The following ARHGEF28 variants were observed in gnomAD, a reference collection of about 807,000 sequenced individuals.
The protein encoded by ARHGEF28 is Rho guanine nucleotide exchange factor 28, also known as 190 kDa guanine nucleotide exchange factor.
ARHGEF28 carries 152 observed loss-of-function variants against 206.6 expected under a neutral mutation model. That is an observed-to-expected ratio of 0.74 (90% CI 0.64 to 0.84). The LOEUF (loss-of-function observed/expected upper bound fraction) is 0.84, where lower values mean the gene tolerates loss of function less well. ARHGEF28 is among the 40% of genes least tolerant of loss of function. The pLI, the probability that ARHGEF28 is intolerant of heterozygous loss-of-function variation, is 0.00. For missense variants in ARHGEF28, 2,028 were observed against 2,073.2 expected, an observed-to-expected ratio of 0.98 and a Z score of 0.42; for synonymous variants, 763 against 776.4, an observed-to-expected ratio of 0.98 and a Z score of 0.29.
chr5:73,712,468 T>A (rs1749308791), intron 2 of ARHGEF28, among the ~76,000 whole-genome samples: 1 of 152,196 alleles, frequency 6.6e-6, no homozygotes, highest in Admixed American at 6.5e-5. Context: ...GTAGAGTGCA[T>A]GCTTTCTTCT....
At chr5:73,848,928 T>C in intron 12 of ARHGEF28, 48 bp from the exon 13 acceptor site, 3 of 1,339,354 alleles carry the variant, frequency 2.2e-6, no homozygotes, top group Non-Finnish European at 3.1e-6. Flanking sequence ...AATATATATT[T>C]TCAGACCATG....
chr5:73,714,789 C>T (rs571359838), intron 2 of ARHGEF28, among the ~76,000 whole-genome samples: 4 of 152,290 alleles, frequency 2.6e-5, no homozygotes, highest in Middle Eastern at 3.4e-3. Context: ...AGCACCCCAA[C>T]GGTCCCTTGT....
intron 4 of ARHGEF28, among the ~76,000 whole-genome samples, chr5:73,762,312 C>A (rs1398763063): frequency 1.3e-5 from 2 of 151,584 alleles, no homozygotes; most frequent in Non-Finnish European, 2.9e-5. Flanking sequence ...AAAAATTAGC[C>A]AGGCGTGGTG....
intron 1 of ARHGEF28, among the ~76,000 whole-genome samples, chr5:73,652,559 T>C (rs1230715836): frequency 6.6e-6 from 1 of 152,126 alleles, no homozygotes; most frequent in African/African-American, 2.4e-5. Flanking sequence ...AGCCAAACAG[T>C]TGAGAAGCAT....
intron 35 of ARHGEF28, among the ~76,000 whole-genome samples, chr5:73,917,090 C>A (rs1484392617): frequency 6.6e-6 from 1 of 152,140 alleles, no homozygotes; most frequent in Non-Finnish European, 1.5e-5. Flanking sequence ...AGTTTTATTT[C>A]CATGCCTAGG....
chr5:73,655,514 G>A (rs1425369803), intron 1 of ARHGEF28, among the ~76,000 whole-genome samples: 1 of 152,194 alleles, frequency 6.6e-6, no homozygotes, highest in Non-Finnish European at 1.5e-5. Flanking sequence ...TAAGAAGAGG[G>A]TTAAAATTGC....
At position 73,909,405 on chromosome 5, in the gene ARHGEF28, C is replaced by CT; in HGVS notation, c.4162-6dup. The CT allele has an allele frequency of 6.3e-7, 1 of 1,589,406 alleles. No individual in the cohort carries two copies. The highest frequency in any genetic ancestry group is 8.6e-7 in the Non-Finnish European group (1 of 1,163,468). On this transcript the variant is annotated splice_polypyrimidine_tract_variant and splice_region_variant and intron_variant, in intron 33 of 35. Transcript: ENST00000513042. ...TTCAGTGATTTTTCCTCTGTCTGCT[C>CT]TGACAGGCCGCCTTGACCATTCAGG...
chr5:73,657,121 C>T (rs773236268), intron 1 of ARHGEF28, among the ~76,000 whole-genome samples: 1 of 146,340 alleles, frequency 6.8e-6, no homozygotes, highest in African/African-American at 2.5e-5. Context: ...TGCAGTGAGC[C>T]GAGATTGCGC....
intron 1 of ARHGEF28, among the ~76,000 whole-genome samples, chr5:73,661,211 G>A (rs1412742730): frequency 6.6e-6 from 1 of 152,194 alleles, no homozygotes; most frequent in Non-Finnish European, 1.5e-5. Context: ...ATGTTCTGGA[G>A]ATGGCTTCTT....
At chr5:73,859,817 C>T (rs754944857) in intron 16 of ARHGEF28, among the ~76,000 whole-genome samples, 1 of 152,090 alleles carries the variant, frequency 6.6e-6, no homozygotes, top group African/African-American at 2.4e-5. Context: ...CGATGCATCC[C>T]TGGCCACACC....
At chr5:73,857,569 A>G in intron 14 of ARHGEF28, 87 bp from the exon 15 acceptor site, 1 of 874,544 alleles carries the variant, frequency 1.1e-6, no homozygotes, top group Non-Finnish European at 1.6e-6. Context: ...ATGTGTACAC[A>G]CACACACACA....
chr5:73,859,764 T>G (rs2112616476), intron 16 of ARHGEF28, among the ~76,000 whole-genome samples: 3 of 152,240 alleles, frequency 2.0e-5, no homozygotes, highest in Admixed American at 2.0e-4. Flanking sequence ...TTTCCTAGGT[T>G]GTTGTTCCAC....
At chr5:73,682,319 A>G (rs1325902346) in intron 1 of ARHGEF28, among the ~76,000 whole-genome samples, 1 of 152,146 alleles carries the variant, frequency 6.6e-6, no homozygotes, top group African/African-American at 2.4e-5. Flanking sequence ...TAGAACTTAA[A>G]TGGTTTTATA....
At chr5:73,710,081 G>T (rs1181335224) in intron 2 of ARHGEF28, among the ~76,000 whole-genome samples, 2 of 152,200 alleles carry the variant, frequency 1.3e-5, no homozygotes, top group East Asian at 1.9e-4. Flanking sequence ...AAATTACTAA[G>T]AGTAGTATTC....
chr5:73,894,874 A>C (rs541863992), intron 29 of ARHGEF28, among the ~76,000 whole-genome samples: 2 of 152,282 alleles, frequency 1.3e-5, no homozygotes, highest in South Asian at 4.1e-4. Flanking sequence ...AATGATATGT[A>C]AGTGGACATG....
intron 1 of ARHGEF28, among the ~76,000 whole-genome samples, chr5:73,637,395 ATCTGTAAAACC>A (rs1469860260): frequency 6.6e-6 from 1 of 152,190 alleles, no homozygotes; most frequent in African/African-American, 2.4e-5. Flanking sequence ...GAGATAGCAA[ATCTGTAAAACC>A]TCTAGTATTT....
chr5:73,715,956 TGTC>T (rs1749559789), intron 2 of ARHGEF28, among the ~76,000 whole-genome samples: 1 of 152,252 alleles, frequency 6.6e-6, no homozygotes, highest in African/African-American at 2.4e-5. Context: ...TATCAGCTAC[TGTC>T]GTTCAGTTCA....
intron 1 of ARHGEF28, chr5:73,627,271 TG>T (rs1465584337): frequency 6.6e-6 from 1 of 152,190 alleles, no homozygotes; most frequent in African/African-American, 2.4e-5. Flanking sequence ...CCACACCAAT[TG>T]GGCAAAATCC....
chr5:73,636,158 T>G (rs1177394732), intron 1 of ARHGEF28, among the ~76,000 whole-genome samples: 2 of 152,174 alleles, frequency 1.3e-5, no homozygotes, highest in Non-Finnish European at 2.9e-5. Flanking sequence ...TGTAAAAATG[T>G]TTTAGTGTTA....
Sources: allele counts gnomAD v4.1 joint callset (sites outside exome capture counted in the v4.1 genomes callset), GRCh38; gene constraint gnomAD v4.1.1; transcripts MANE v1.5; gene names NCBI Gene and HGNC (gene_info 2026-07-23, HGNC 2026-07-21).